The following BLK variants were observed in gnomAD, a reference collection of about 807,000 sequenced individuals.
BLK encodes the protein tyrosine-protein kinase Blk.
Under a neutral mutation model 61.8 loss-of-function variants are expected in BLK, and 64 were observed. That is an observed-to-expected ratio of 1.03 (90% CI 0.85 to 1.27). The LOEUF is 1.27. Among genes scored for constraint, BLK ranks in the 50% most tolerant of loss-of-function variants. BLK has a pLI of 0.00. For missense variants in BLK, 853 were observed against 660.5 expected (o/e 1.29, Z -3.19); for synonymous variants, 351 against 272.0 (o/e 1.29, Z -2.86).
chr8:11,561,362 G>A lies in BLK; in HGVS notation c.1090G>A (p.Ala364Thr). 6.2e-7 allele frequency: 1 copy of A among 1,614,054 alleles called. No individual in the cohort carries two copies. Among genetic ancestry groups the A allele is most frequent in the Non-Finnish European group, 8.5e-7 (1 of 1,179,978 alleles). ...MNSIHRDLRAANILVSEALCC... is the reference protein window; with the variant it reads ...MNSIHRDLRATNILVSEALCC... ...TTCCATCCACCGCGACCTGCGGGCG[G>A]CCAACATCCTGGTGTCTGAGGCCTT... is the stretch of plus-strand genomic sequence containing the variant. The change falls in exon 11 of 13, where the codon GCC becomes ACC. Residue 364 changes from alanine to threonine, a missense_variant. Physicochemically the swap from Ala to Thr is moderately conservative, Grantham distance 58 (BLOSUM62 0). Transcript: ENST00000259089.
chr8:11,520,757 G>C (rs1200245690), intron 1 of BLK, among the ~76,000 whole-genome samples: 1 of 152,012 alleles, frequency 6.6e-6, no homozygotes, highest in Non-Finnish European at 1.5e-5. Flanking sequence ...TTCGAAAAAA[G>C]GCATAACAGA....
At chr8:11,497,464 T>A (rs75347397) in intron 1 of BLK, among the ~76,000 whole-genome samples, 2,827 of 152,174 alleles carry the variant, frequency 0.019, 42 homozygotes, top group Middle Eastern at 0.041. Context: ...CATTTGTGTG[T>A]CCCCAGCAAC....
chr8:11,496,632 C>G (rs1185825212), intron 1 of BLK, among the ~76,000 whole-genome samples: 1 of 152,236 alleles, frequency 6.6e-6, no homozygotes, highest in Non-Finnish European at 1.5e-5. Flanking sequence ...TGCACTGGTG[C>G]AGGCTCCTGG....
chr8:11,528,744 GC>G (rs1333376615), intron 1 of BLK, among the ~76,000 whole-genome samples: 2 of 152,036 alleles, frequency 1.3e-5, no homozygotes, highest in African/African-American at 4.8e-5. Flanking sequence ...ATTTAGTACA[GC>G]ATTTAAGAAG....
chr8:11,564,172 C>A lies in BLK; in HGVS notation c.*64C>A. ...CGGACGACCCCGACTTCCGTGCCAT[C>A]CCAGACGGGCCGCGAAGGCGGGGTG... On this transcript the variant is annotated 3_prime_UTR_variant, in exon 13 of 13. Coordinates refer to ENST00000259089, the MANE Select transcript of BLK (RefSeq NM_001715.3). 2.6e-6 allele frequency: 4 copies of A among 1,510,012 alleles called. No individual in the cohort carries two copies. Among genetic ancestry groups the A allele is most frequent in the Non-Finnish European group, 3.6e-6 (4 of 1,125,124 alleles). The allele number at this position is 1,510,012 out of a possible 1,614,324, so 93.5% of individuals were successfully genotyped here. A position where few individuals can be genotyped will look rare whatever the true frequency, so the allele number is the denominator to read the frequency against.
intron 1 of BLK, among the ~76,000 whole-genome samples, chr8:11,508,579 A>C (rs1188812200): frequency 6.6e-6 from 1 of 152,132 alleles, no homozygotes; most frequent in Non-Finnish European, 1.5e-5. Flanking sequence ...TGACCACCCT[A>C]TACCAGAAGG....
At chr8:11,548,656 C>T (rs889315815) in intron 4 of BLK, among the ~76,000 whole-genome samples, 1 of 152,210 alleles carries the variant, frequency 6.6e-6, no homozygotes, top group Non-Finnish European at 1.5e-5. Flanking sequence ...AGGCCCTGAG[C>T]CAAGCTCACG....
intron 1 of BLK, among the ~76,000 whole-genome samples, chr8:11,507,658 G>T (rs532438098): frequency 7.5e-4 from 115 of 152,324 alleles, no homozygotes; most frequent in Non-Finnish European, 1.2e-3. Context: ...TTGGGGGTTT[G>T]GGGGTTACTG....
chr8:11,546,921 T>C (rs1210925654), intron 3 of BLK, among the ~76,000 whole-genome samples: 3 of 151,854 alleles, frequency 2.0e-5, no homozygotes, highest in East Asian at 3.9e-4. Context: ...CTGGGTACTG[T>C]AGGGAATGAG....
intron 1 of BLK, among the ~76,000 whole-genome samples, chr8:11,533,807 G>A (rs554574313): frequency 6.1e-4 from 93 of 152,344 alleles, no homozygotes; most frequent in Middle Eastern, 3.4e-3. Flanking sequence ...CTGTCAAAAA[G>A]CTATGCAGAA....
At chr8:11,541,162 G>C (rs1211822986) in intron 1 of BLK, among the ~76,000 whole-genome samples, 1 of 103,272 alleles carries the variant, frequency 9.7e-6, no homozygotes, top group Non-Finnish European at 1.9e-5. Context: ...AGCTACTCGA[G>C]AGGCTGAGGT....
chr8:11,558,972 A>G lies in BLK; in HGVS notation c.1029+934A>G, dbSNP rs765623129. The G allele has an allele frequency of 1.5e-5, 7 of 456,256 alleles. 1 individual carries two copies. The highest frequency in any genetic ancestry group is 1.1e-4 in the South Asian group (7 of 64,564). 28.3% of individuals were successfully genotyped at this position (456,256 alleles called of 1,614,324 possible). On this transcript the variant is annotated intron_variant, in intron 10 of 12. Transcript: ENST00000259089. ...CCTTTTTCCGCTGAGGTGGGCAGAC[A>G]GCCATCTGGGCAGGCTGGTTTTGGA...
At chr8:11,558,595 G>C in intron 10 of BLK, 1 of 452,406 alleles carries the variant, frequency 2.2e-6, no homozygotes, top group Non-Finnish European at 4.4e-6. Context: ...CCAGGGAATT[G>C]CGAGTGCTGG....
Position 11,556,761 on chromosome 8 carries a change from G to C in BLK, c.876G>C (p.Gln292His). ...LGEANVMKAL[Q>H]HERLVRLYAV... ...AGGCCAACGTGATGAAGGCTCTGCA[G>C]CACGAGCGGCTGGTCCGACTCTACG... Residue 292 changes from glutamine to histidine, a missense_variant, in exon 9 of 13, where the codon CAG (glutamine) becomes CAC (histidine). Gln to His is a conservative substitution (Grantham distance 24). Coordinates refer to ENST00000259089, the MANE Select transcript of BLK (RefSeq NM_001715.3). 1.2e-6 allele frequency: 2 copies of C among 1,614,220 alleles called. No homozygotes were observed. Among genetic ancestry groups the C allele is most frequent in the Non-Finnish European group, 1.7e-6 (2 of 1,180,044 alleles).
intron 1 of BLK, among the ~76,000 whole-genome samples, chr8:11,500,647 T>A (rs55860742): frequency 1.3e-5 from 2 of 149,688 alleles, no homozygotes; most frequent in Non-Finnish European, 3.0e-5. Context: ...TCCCAAGTAG[T>A]TGGGACCACA....
At chr8:11,513,026 T>G (rs1799078850) in intron 1 of BLK, among the ~76,000 whole-genome samples, 1 of 152,234 alleles carries the variant, frequency 6.6e-6, no homozygotes, top group African/African-American at 2.4e-5. Flanking sequence ...CTAAAAGAAT[T>G]ATTTATTCAT....
rs1801563721 is a variant in BLK at position 11,563,037 on chromosome 8, C to A, written c.1239C>A (p.Thr413=). The stretch of plus-strand genomic sequence containing the variant: ...AAGCCATCCACTTCGGGGTCTTCAC[C>A]ATCAAAGCAGACGTGTGGTCGTTTG... ...APEAIHFGVF[T]IKADVWSFGV... The change falls in exon 12 of 13, where the codon ACC becomes ACA. Residue 413 remains threonine (T), a synonymous_variant. Transcript: ENST00000259089. The A allele has an allele frequency of 1.9e-6, 3 of 1,614,198 alleles. No individual in the cohort carries two copies. The East Asian group carries it at 6.7e-5, about 36-fold the overall frequency.
At chr8:11,560,214 GATGC>G in intron 10 of BLK, 1 of 120,732 alleles carries the variant, frequency 8.3e-6, no homozygotes, top group Non-Finnish European at 1.6e-5. Context: ...TGGATGGATG[GATGC>G]ATGCATGGAT....
At position 11,564,331 on chromosome 8, in the gene BLK, A is replaced by T. The variant is rs1194165813; in HGVS notation, c.*223A>T. The T allele has an allele frequency of 1.4e-6, 1 of 707,126 alleles. No homozygotes were observed. Among genetic ancestry groups the T allele is most frequent in the East Asian group, 2.7e-5 (1 of 37,106 alleles). The allele number at this position is 707,126 out of a possible 1,614,324, so 43.8% of individuals were successfully genotyped here. On this transcript the variant is annotated 3_prime_UTR_variant, in exon 13 of 13. Coordinates refer to ENST00000259089, the MANE Select transcript of BLK (RefSeq NM_001715.3). Reference sequence around the variant, plus strand: ...CCTCTCTGTGCCGCTTCATTTGTAGAGGGCTGTAACAGTGACCTCGCACGG... The same window carrying T: ...CCTCTCTGTGCCGCTTCATTTGTAGTGGGCTGTAACAGTGACCTCGCACGG...
Sources: gnomAD v4.1 joint callset for allele counts (sites outside exome capture counted in the v4.1 genomes callset) on GRCh38, gnomAD v4.1.1 for gene constraint, MANE v1.5 for transcripts, NCBI Gene and HGNC (gene_info 2026-07-23, HGNC 2026-07-21) for gene names.